The following SLIT3 variants were observed in gnomAD, a reference collection of about 807,000 sequenced individuals.
SLIT3 encodes the protein slit homolog 3 protein.
Under a neutral mutation model 184.0 loss-of-function variants are expected in SLIT3, and 68 were observed. The ratio of observed to expected loss-of-function variants is 0.37; its 90% CI spans 0.30 to 0.45. SLIT3 has a LOEUF of 0.45. Among genes scored for constraint, SLIT3 ranks in the 20% least tolerant of loss-of-function variants. SLIT3 has a pLI of 1.00. For synonymous variants in SLIT3, 831 were observed against 828.6 expected, an observed-to-expected ratio of 1.00 and a Z score of -0.05; for missense variants, 1,707 against 2,026.0, an observed-to-expected ratio of 0.84 and a Z score of 3.02.
At chr5:169,241,217 AT>A (rs1378856368) in intron 3 of SLIT3, among the ~76,000 whole-genome samples, 2 of 152,132 alleles carry the variant, frequency 1.3e-5, no homozygotes, top group Non-Finnish European at 2.9e-5. Context: ...ATCCAGCTAA[AT>A]TAGGTTTAGG....
At chr5:168,978,654 G>T (rs555136831) in intron 4 of SLIT3, among the ~76,000 whole-genome samples, 2 of 152,160 alleles carry the variant, frequency 1.3e-5, no homozygotes, top group African/African-American at 4.8e-5. Flanking sequence ...ATGGAAGAAG[G>T]TCAAAGATTA....
At chr5:168,682,343 C>T (rs1012703818) in intron 32 of SLIT3, among the ~76,000 whole-genome samples, 6 of 152,236 alleles carry the variant, frequency 3.9e-5, no homozygotes, top group Non-Finnish European at 1.5e-5. Context: ...CCAACTCAGA[C>T]TGCTCTTTCT....
chr5:168,757,435 ATTGTTT>A (rs1462595930), intron 16 of SLIT3, among the ~76,000 whole-genome samples: 2 of 151,676 alleles, frequency 1.3e-5, no homozygotes, highest in East Asian at 1.9e-4. Context: ...TGTTGTTGTT[ATTGTTT>A]TTGTTTTTTT....
chr5:169,247,215 CAAAA>C (rs34569490), intron 2 of SLIT3, among the ~76,000 whole-genome samples: 1 of 124,224 alleles, frequency 8.0e-6, no homozygotes, highest in African/African-American at 2.9e-5. Context: ...GACTCTGTCT[CAAAA>C]AAAAAAAAAA....
chr5:169,251,498 T>C, intron 1 of SLIT3, 39 bp from the exon 2 acceptor site: 1 of 1,392,062 alleles, frequency 7.2e-7, no homozygotes, highest in Non-Finnish European at 1.0e-6. Context: ...TTTTTGTGGG[T>C]TACAATTACG....
chr5:169,190,354 C>A (rs544075845), intron 4 of SLIT3, among the ~76,000 whole-genome samples: 18 of 152,300 alleles, frequency 1.2e-4, no homozygotes, highest in African/African-American at 4.3e-4. Flanking sequence ...AAGATGAAGA[C>A]TTAATGACAT....
At chr5:168,929,884 G>A (rs1761937077) in intron 4 of SLIT3, among the ~76,000 whole-genome samples, 1 of 152,210 alleles carries the variant, frequency 6.6e-6, no homozygotes, top group African/African-American at 2.4e-5. Context: ...CCAAAGTCAG[G>A]CTCCAGCTGG....
Position 168,742,999 on chromosome 5 carries a change from G to A in SLIT3, c.2270+5303C>T, listed in dbSNP as rs140173838. On this transcript the variant is annotated intron_variant, in intron 20 of 35. Transcript: ENST00000519560. ...ATACAAAAATTAGCTGAGCGTGGTGGCATGCGCCTGTAGTCCCAGCTACCG... is the reference window on the plus strand; with the variant it reads ...ATACAAAAATTAGCTGAGCGTGGTGACATGCGCCTGTAGTCCCAGCTACCG... Among the ~76,000 whole-genome samples the A allele has an allele frequency of 3.1e-3, 472 of 152,272 alleles. 2 individuals are homozygous for A. Among genetic ancestry groups the A allele is most frequent in the African/African-American group, 0.011 (442 of 41,548 alleles).
chr5:168,750,613 T>C (rs1381675672), intron 18 of SLIT3, among the ~76,000 whole-genome samples: 1 of 152,176 alleles, frequency 6.6e-6, no homozygotes, highest in East Asian at 1.9e-4. Flanking sequence ...TCTGCCCTTC[T>C]GGGCATCTTA....
intron 4 of SLIT3, among the ~76,000 whole-genome samples, chr5:168,994,828 A>T (rs1283832778): frequency 6.6e-6 from 1 of 150,662 alleles, no homozygotes; most frequent in Admixed American, 6.6e-5. Flanking sequence ...TTTTTCTAGA[A>T]ACGGGGTTTC....
At chr5:168,881,972 C>G (rs886637428) in intron 5 of SLIT3, among the ~76,000 whole-genome samples, 4 of 152,184 alleles carry the variant, frequency 2.6e-5, no homozygotes, top group African/African-American at 9.7e-5. Flanking sequence ...TTGCGAAGTC[C>G]TCTCTGCTTC....
chr5:168,998,035 C>T (rs955524315), intron 4 of SLIT3, among the ~76,000 whole-genome samples: 1 of 151,996 alleles, frequency 6.6e-6, no homozygotes, highest in Non-Finnish European at 1.5e-5. Flanking sequence ...CTCCTCTGTT[C>T]ATATTCAAAG....
chr5:168,923,443 A>G (rs373418916), intron 4 of SLIT3, among the ~76,000 whole-genome samples: 20 of 151,766 alleles, frequency 1.3e-4, no homozygotes, highest in African/African-American at 4.8e-4. Flanking sequence ...GCTTCCTGAC[A>G]ATTACCTTCC....
chr5:169,004,756 A>T (rs574204812), intron 4 of SLIT3, among the ~76,000 whole-genome samples: 1 of 152,132 alleles, frequency 6.6e-6, no homozygotes, highest in Non-Finnish European at 1.5e-5. Context: ...TGGAATCTTC[A>T]TGATGGATGA....
At position 168,738,887 on chromosome 5, in the gene SLIT3, G is replaced by A. The variant is rs150774978; in HGVS notation, c.2270+9415C>T. Among the ~76,000 whole-genome samples, 691 of 139,566 alleles carry A rather than the reference G, an allele frequency of 5.0e-3. 8 individuals are homozygous for A. Among genetic ancestry groups the A allele is most frequent in the African/African-American group, 0.017 (655 of 37,662 alleles). 91.6% of individuals were successfully genotyped at this position (139,566 alleles called of 152,430 possible). A position where few individuals can be genotyped will look rare whatever the true frequency, so the allele number is the denominator to read the frequency against. On this transcript the variant is annotated intron_variant, in intron 20 of 35. Transcript: ENST00000519560. ...CAGGAGGCGGGGCTTGCAGTGAGCC[G>A]AGATGGCGCCACTGCAGTCTGGCCT...
At chr5:169,279,497 C>A (rs1339818682) in intron 1 of SLIT3, among the ~76,000 whole-genome samples, 2 of 152,172 alleles carry the variant, frequency 1.3e-5, no homozygotes, top group Non-Finnish European at 2.9e-5. Flanking sequence ...AGAGAAATTT[C>A]TGTGACTTAC....
At chr5:168,846,227 A>C (rs185316848) in intron 5 of SLIT3, among the ~76,000 whole-genome samples, 2 of 152,308 alleles carry the variant, frequency 1.3e-5, no homozygotes, top group Admixed American at 6.5e-5. Context: ...TTAGATATTT[A>C]GACTAAGAAA....
chr5:169,228,413 G>A (rs1417686685), intron 3 of SLIT3, among the ~76,000 whole-genome samples: 3 of 152,180 alleles, frequency 2.0e-5, no homozygotes, highest in Non-Finnish European at 2.9e-5. Flanking sequence ...AAATTACTGG[G>A]TGACAAGGAG....
intron 3 of SLIT3, 90 bp downstream of exon 3, chr5:169,244,615 T>G: frequency 8.7e-7 from 1 of 1,153,284 alleles, no homozygotes; most frequent in Non-Finnish European, 1.3e-6. Context: ...AACAAGGTTA[T>G]AAGGCCAATT....
Sources: gnomAD v4.1 joint callset for allele counts (sites outside exome capture counted in the v4.1 genomes callset) on GRCh38, gnomAD v4.1.1 for gene constraint, MANE v1.5 for transcripts, NCBI Gene and HGNC (gene_info 2026-07-23, HGNC 2026-07-21) for gene names.